The following STK32C variants were observed in gnomAD, a reference collection of about 807,000 sequenced individuals.
The protein encoded by STK32C is serine/threonine kinase 32C.
STK32C carries 31 observed loss-of-function variants against 56.5 expected under a neutral mutation model. That is an observed-to-expected ratio of 0.55 (90% CI 0.41 to 0.74). STK32C has a LOEUF of 0.74. STK32C is among the 30% of genes least tolerant of loss of function. The pLI is 0.00. For synonymous variants in STK32C, 309 were observed against 289.4 expected (o/e 1.07, Z -0.69); for missense variants, 544 against 676.9 (o/e 0.80, Z 2.18).
intron 1 of STK32C, among the ~76,000 whole-genome samples, chr10:132,298,594 T>C (rs2065823798): frequency 7.2e-6 from 1 of 138,016 alleles, no homozygotes; most frequent in Non-Finnish European, 1.6e-5. Flanking sequence ...CTCAGCTCAC[T>C]GGGGAGGGAG....
intron 1 of STK32C, among the ~76,000 whole-genome samples, chr10:132,293,786 G>A (rs1413340364): frequency 2.0e-5 from 3 of 152,310 alleles, no homozygotes; most frequent in Admixed American, 2.0e-4. Flanking sequence ...GGCCACACCA[G>A]CCACTGCCTG....
chr10:132,245,698 G>A (rs570530181), intron 2 of STK32C, among the ~76,000 whole-genome samples: 5 of 152,370 alleles, frequency 3.3e-5, no homozygotes, highest in South Asian at 2.1e-4. Flanking sequence ...GACACCATGG[G>A]GCCCAGTCTG....
intron 1 of STK32C, among the ~76,000 whole-genome samples, chr10:132,300,272 C>T (rs536644713): frequency 3.9e-5 from 6 of 152,198 alleles, no homozygotes; most frequent in Non-Finnish European, 5.9e-5. Context: ...CACTGACTCC[C>T]ACCTACACCA....
At chr10:132,210,819 T>C (rs2062271328) in intron 10 of STK32C, among the ~76,000 whole-genome samples, 1 of 152,200 alleles carries the variant, frequency 6.6e-6, no homozygotes, top group Admixed American at 6.5e-5. Flanking sequence ...GTGCCCTCCG[T>C]GTCTCTCCTG....
At chr10:132,270,687 C>T (rs1025351004) in intron 1 of STK32C, among the ~76,000 whole-genome samples, 10 of 152,196 alleles carry the variant, frequency 6.6e-5, no homozygotes, top group African/African-American at 2.4e-4. Context: ...GGGTACCAAC[C>T]AGACACCCCT....
intron 10 of STK32C, among the ~76,000 whole-genome samples, chr10:132,217,796 T>C (rs2062516992): frequency 6.6e-6 from 1 of 152,172 alleles, no homozygotes; most frequent in Non-Finnish European, 1.5e-5. Flanking sequence ...TGTGACTTTC[T>C]CCTCCTTGCC....
chr10:132,287,486 A>T (rs1382365794), intron 1 of STK32C, among the ~76,000 whole-genome samples: 1 of 148,480 alleles, frequency 6.7e-6, no homozygotes, highest in African/African-American at 2.5e-5. Context: ...AGCGAGACTC[A>T]GTCAAAACAG....
intron 1 of STK32C, among the ~76,000 whole-genome samples, chr10:132,279,195 C>T (rs1475393798): frequency 6.6e-6 from 1 of 152,212 alleles, no homozygotes; most frequent in Non-Finnish European, 1.5e-5. Context: ...TTCATCAAGA[C>T]CGATGTGCAG....
intron 1 of STK32C, among the ~76,000 whole-genome samples, chr10:132,287,512 C>T (rs944813702): frequency 1.3e-5 from 2 of 149,726 alleles, no homozygotes; most frequent in Non-Finnish European, 3.0e-5. Flanking sequence ...AGTGCAGTGG[C>T]GTGATCTCGG....
intron 1 of STK32C, among the ~76,000 whole-genome samples, chr10:132,263,189 C>T (rs1356403189): frequency 1.3e-5 from 2 of 152,210 alleles, no homozygotes; most frequent in East Asian, 1.9e-4. Context: ...TGAATCAACC[C>T]AGGTGCCCAT....
chr10:132,253,650 C>T (rs889588989), intron 1 of STK32C, among the ~76,000 whole-genome samples: 7 of 149,562 alleles, frequency 4.7e-5, no homozygotes, highest in South Asian at 2.1e-4. Flanking sequence ...TGGAGGGAGT[C>T]GAGAGAGCTA....
chr10:132,277,259 C>T (rs916473466), intron 1 of STK32C, among the ~76,000 whole-genome samples: 11 of 152,110 alleles, frequency 7.2e-5, no homozygotes, highest in Non-Finnish European at 1.2e-4. Flanking sequence ...CCACGAGAGC[C>T]GCTGGAGAGA....
intron 1 of STK32C, among the ~76,000 whole-genome samples, chr10:132,266,460 C>A (rs910531886): frequency 1.3e-5 from 2 of 152,170 alleles, no homozygotes; most frequent in Admixed American, 6.5e-5. Flanking sequence ...GTGCCCTTGA[C>A]TGTAATTATA....
chr10:132,287,845 A>G (rs2065454686), intron 1 of STK32C, among the ~76,000 whole-genome samples: 1 of 152,194 alleles, frequency 6.6e-6, no homozygotes, highest in Admixed American at 6.5e-5. Context: ...AAGAGTACAA[A>G]TAATACTAAT....
intron 2 of STK32C, among the ~76,000 whole-genome samples, chr10:132,231,868 G>A (rs1014894482): frequency 6.6e-6 from 1 of 152,236 alleles, no homozygotes; most frequent in African/African-American, 2.4e-5. Context: ...CAGACGCCGG[G>A]AGAAGGCACA....
At chr10:132,233,606 C>T (rs1270064783) in intron 2 of STK32C, among the ~76,000 whole-genome samples, 2 of 152,208 alleles carry the variant, frequency 1.3e-5, no homozygotes, top group Non-Finnish European at 2.9e-5. Context: ...AGTGGCCATG[C>T]TGCGATGGCA....
intron 1 of STK32C, among the ~76,000 whole-genome samples, chr10:132,281,178 G>GACACACACAC (rs10556901): frequency 7.1e-4 from 106 of 149,434 alleles, no homozygotes; most frequent in African/African-American, 2.0e-3. Context: ...GATCCTCGTG[G>GACACACACAC]ACACACACAC....
chr10:132,244,540 C>T (rs566827546), intron 2 of STK32C, among the ~76,000 whole-genome samples: 1 of 152,344 alleles, frequency 6.6e-6, no homozygotes, highest in African/African-American at 2.4e-5. Flanking sequence ...AGCCTCGCTC[C>T]CCAGGGCAGG....
intron 1 of STK32C, among the ~76,000 whole-genome samples, chr10:132,292,618 C>T (rs565029629): frequency 2.6e-5 from 4 of 152,240 alleles, no homozygotes; most frequent in Non-Finnish European, 4.4e-5. Flanking sequence ...CACTCCCATG[C>T]TTGTGCTCAT....
Sources: allele counts gnomAD v4.1 joint callset (sites outside exome capture counted in the v4.1 genomes callset), GRCh38; gene constraint gnomAD v4.1.1; transcripts MANE v1.5; gene names NCBI Gene and HGNC (gene_info 2026-07-23, HGNC 2026-07-21).